Variants in DOCK4 observed in about 807,000 individuals in gnomAD.
The protein encoded by DOCK4 is dedicator of cytokinesis 4.
In DOCK4, 97 loss-of-function variants were observed where a neutral mutation model predicts 268.1. The observed-to-expected ratio is 0.36, with a 90% CI of 0.31 to 0.43. The LOEUF (loss-of-function observed/expected upper bound fraction) is 0.43. Ranked by LOEUF, DOCK4 falls within the 20% of genes least tolerant of loss-of-function variation. DOCK4 has a pLI of 1.00. For synonymous variants in DOCK4, 954 were observed against 887.2 expected (o/e 1.08, Z -1.34); for missense variants, 2,145 against 2,455.7 (o/e 0.87, Z 2.67).
At chr7:111,781,465 A>G (rs1379992199) in intron 35 of DOCK4, among the ~76,000 whole-genome samples, 1 of 152,206 alleles carries the variant, frequency 6.6e-6, no homozygotes, top group Non-Finnish European at 1.5e-5. Context: ...GAGTACTGAG[A>G]GCAGAGGTCA....
intron 1 of DOCK4, among the ~76,000 whole-genome samples, chr7:112,204,270 A>C (rs1407384448): frequency 2.6e-5 from 4 of 152,190 alleles, no homozygotes; most frequent in African/African-American, 9.7e-5. Context: ...TGAAGAAATC[A>C]AGAAAATAAA....
chr7:112,073,093 C>T lies in DOCK4; in HGVS notation c.38-68962G>A, dbSNP rs78219904. On this transcript the variant is annotated intron_variant, in intron 1 of 52. Transcript: ENST00000428084. ...TTGATCTCTAGGTCGTCTGCTTGGC[C>T]CTCTTCCAAGAATTATTTACTTCCT... Among the ~76,000 whole-genome samples, 951 of 152,048 alleles carry T rather than the reference C, an allele frequency of 6.3e-3. 20 individuals are homozygous for T. Among genetic ancestry groups the T allele is most frequent in the African/African-American group, 0.021 (888 of 41,484 alleles).
intron 26 of DOCK4, among the ~76,000 whole-genome samples, chr7:111,831,076 C>G (rs182515329): frequency 1.8e-4 from 27 of 152,150 alleles, no homozygotes; most frequent in South Asian, 4.1e-4. Context: ...CATCCCATAA[C>G]CCATCTCTCT....
At chr7:112,179,117 T>C (rs111613541) in intron 1 of DOCK4, among the ~76,000 whole-genome samples, 1,974 of 152,320 alleles carry the variant, frequency 0.013, 46 homozygotes, top group African/African-American at 0.043. Flanking sequence ...TGAACGCATT[T>C]GGCTCACACC....
At position 111,863,144 on chromosome 7, in the gene DOCK4, C is replaced by T. The variant is rs574211756; in HGVS notation, c.2473+228G>A. On this transcript the variant is annotated intron_variant, in intron 23 of 52. Transcript: ENST00000428084. ...TGAAGGAGTGTTAAATCCCATTAAA[C>T]ATAAAAAACAATAATGTAATCATTA... The T allele has an allele frequency of 1.9e-5, 10 of 527,262 alleles. No individual in the cohort carries two copies. The South Asian group carries it at 2.1e-4, about 11-fold the overall frequency. The allele number at this position is 527,262 out of a possible 1,614,324, so 32.7% of individuals were successfully genotyped here.
In DOCK4 at chr7:112,183,333, A is replaced by G. The variant is rs888585512; in HGVS notation, c.37+22769T>C. Among the ~76,000 whole-genome samples the G allele has an allele frequency of 2.6e-5, 4 of 152,198 alleles. No individual in the cohort carries two copies. The East Asian group carries it at 7.7e-4, about 29-fold the overall frequency. ...ACTATCAACAAAAGGCATTATCTAG[A>G]ATTTTATAAAGCAGGACATCAATAA... is the stretch of plus-strand genomic sequence containing the variant. On this transcript the variant is annotated intron_variant, in intron 1 of 52. Coordinates refer to ENST00000428084, the MANE Select transcript of DOCK4 (RefSeq NM_001363540.2).
chr7:111,732,521 T>C (rs1017979459), intron 51 of DOCK4: 2 of 566,528 alleles, frequency 3.5e-6, no homozygotes, highest in East Asian at 3.0e-5. Context: ...TCATGGCATA[T>C]ATGATGCTTT....
chr7:111,869,876 T>C (rs1393573623), intron 20 of DOCK4, among the ~76,000 whole-genome samples: 1 of 148,260 alleles, frequency 6.7e-6, no homozygotes, highest in African/African-American at 2.7e-5. Context: ...CTGGACATAT[T>C]CCATAGCCCT....
intron 44 of DOCK4, among the ~76,000 whole-genome samples, chr7:111,743,467 C>G (rs1796067536): frequency 6.6e-6 from 1 of 152,150 alleles, no homozygotes; most frequent in Non-Finnish European, 1.5e-5. Flanking sequence ...CTTTGAAAGG[C>G]ACACTTGGAG....
intron 23 of DOCK4, among the ~76,000 whole-genome samples, chr7:111,857,954 C>T (rs1277508512): frequency 1.3e-5 from 2 of 152,190 alleles, no homozygotes; most frequent in Non-Finnish European, 2.9e-5. Flanking sequence ...AATAAGTCCA[C>T]CTGGATCCCA....
intron 12 of DOCK4, among the ~76,000 whole-genome samples, chr7:111,929,542 G>C (rs1177039344): frequency 6.6e-6 from 1 of 152,146 alleles, no homozygotes; most frequent in Non-Finnish European, 1.5e-5. Context: ...CAGGTGCACT[G>C]ATCAAATTCT....
At chr7:111,858,656 A>C (rs1466054901) in intron 23 of DOCK4, among the ~76,000 whole-genome samples, 3 of 152,224 alleles carry the variant, frequency 2.0e-5, no homozygotes, top group Non-Finnish European at 2.9e-5. Context: ...CTTTGGTCTC[A>C]GACTGAAACT....
rs1798004704 is a variant in DOCK4 at position 111,769,793 on chromosome 7, T to A, written c.3680-116A>T. 7 of 1,262,336 alleles carry A rather than the reference T, an allele frequency of 5.5e-6. No individual in the cohort carries two copies. In the South Asian group the frequency reaches 1.1e-4, roughly 19 times the overall value. The allele number at this position is 1,262,336 out of a possible 1,614,324, so 78.2% of individuals were successfully genotyped here. On this transcript the variant is annotated intron_variant, in intron 36 of 52. Coordinates refer to ENST00000428084, the MANE Select transcript of DOCK4 (RefSeq NM_001363540.2). ...AAATACTATTTTCTAAATTTCGTGATATAGCAGAAAAATATCCAGAATATA... is the reference window on the plus strand; with the variant it reads ...AAATACTATTTTCTAAATTTCGTGAAATAGCAGAAAAATATCCAGAATATA...
chr7:112,114,004 T>C (rs938358301), intron 1 of DOCK4, among the ~76,000 whole-genome samples: 7 of 152,128 alleles, frequency 4.6e-5, no homozygotes, highest in East Asian at 1.9e-4. Flanking sequence ...TTGCCTTGAA[T>C]TCCTTGTTTC....
chr7:111,897,091 A>G (rs565083808), intron 15 of DOCK4, among the ~76,000 whole-genome samples: 1 of 152,258 alleles, frequency 6.6e-6, no homozygotes, highest in Admixed American at 6.5e-5. Flanking sequence ...TATCCTTTAT[A>G]GCAAAACTTC....
At chr7:111,854,867 G>A (rs1372794890) in intron 23 of DOCK4, among the ~76,000 whole-genome samples, 2 of 152,172 alleles carry the variant, frequency 1.3e-5, no homozygotes, top group African/African-American at 2.4e-5. Context: ...GTGGAGGAGG[G>A]AAACAGACGT....
At chr7:112,048,251 T>A (rs899742535) in intron 1 of DOCK4, among the ~76,000 whole-genome samples, 2 of 151,782 alleles carry the variant, frequency 1.3e-5, no homozygotes, top group South Asian at 2.1e-4. Context: ...AAAAAATTCT[T>A]AAAAATATAA....
At chr7:111,810,916 C>T (rs1218705381) in intron 28 of DOCK4, among the ~76,000 whole-genome samples, 2 of 151,962 alleles carry the variant, frequency 1.3e-5, no homozygotes, top group Admixed American at 1.3e-4. Flanking sequence ...GCAAGAGAAT[C>T]GCTTGAACCT....
At chr7:112,044,639 T>C (rs1804672621) in intron 1 of DOCK4, among the ~76,000 whole-genome samples, 1 of 152,162 alleles carries the variant, frequency 6.6e-6, no homozygotes, top group Non-Finnish European at 1.5e-5. Flanking sequence ...CTACCTACCT[T>C]TGGGTATTAA....
Sources: gnomAD v4.1 joint callset for allele counts (sites outside exome capture counted in the v4.1 genomes callset) on GRCh38, gnomAD v4.1.1 for gene constraint, MANE v1.5 for transcripts, NCBI Gene and HGNC (gene_info 2026-07-23, HGNC 2026-07-21) for gene names.